SDK1: variants seen among roughly 807,000 people sequenced by gnomAD.
The protein encoded by SDK1 is sidekick cell adhesion molecule 1.
Under a neutral mutation model 245.5 loss-of-function variants are expected in SDK1, and 157 were observed. That is an observed-to-expected ratio of 0.64 (90% CI 0.56 to 0.73). The LOEUF is 0.73. SDK1 is among the 30% of genes least tolerant of loss of function. The probability of loss-of-function intolerance (pLI) is 0.00; values close to 1 mark genes in which losing one functional copy is unlikely to be tolerated. For missense variants in SDK1, 3,583 were observed against 3,002.3 expected (o/e 1.19, Z -4.52); for synonymous variants, 1,647 against 1,278.5 (o/e 1.29, Z -6.15).
At chr7:3,945,899 TAAAAAAAAAAAAAAA>T (rs754101246) in intron 5 of SDK1, among the ~76,000 whole-genome samples, 164 of 13,688 alleles carry the variant, frequency 0.012, 2 homozygotes, top group African/African-American at 0.023. Context: ...ACTCTGTCTG[TAAAAAAAAAAAAAAA>T]AAAAAAAAAA....
intron 1 of SDK1, among the ~76,000 whole-genome samples, chr7:3,576,183 T>C (rs1780284548): frequency 6.6e-6 from 1 of 152,162 alleles, no homozygotes; most frequent in Non-Finnish European, 1.5e-5. Context: ...TCTTAAGGGA[T>C]ATTATAAATA....
intron 4 of SDK1, among the ~76,000 whole-genome samples, chr7:3,790,870 G>T (rs1276452253): frequency 6.6e-6 from 1 of 152,090 alleles, no homozygotes; most frequent in Admixed American, 6.5e-5. Flanking sequence ...AGGGAGGTTG[G>T]GACAGGGGAA....
intron 17 of SDK1, among the ~76,000 whole-genome samples, chr7:4,022,088 C>T (rs1450287008): frequency 1.3e-5 from 2 of 152,216 alleles, no homozygotes; most frequent in African/African-American, 4.8e-5. Context: ...ATTGTCAAGG[C>T]AGCCTAGGGG....
intron 14 of SDK1, among the ~76,000 whole-genome samples, chr7:3,997,217 T>C (rs1784749350): frequency 6.6e-6 from 1 of 152,238 alleles, no homozygotes; most frequent in African/African-American, 2.4e-5. Flanking sequence ...GTGGCGGTTT[T>C]GTCCGAGTTC....
intron 1 of SDK1, among the ~76,000 whole-genome samples, chr7:3,547,080 G>GGT (rs1779247367): frequency 6.6e-6 from 1 of 151,950 alleles, no homozygotes. Context: ...TTTCTTTTAA[G>GGT]GTGTGTGACC....
At chr7:3,804,898 A>T (rs1473589407) in intron 4 of SDK1, among the ~76,000 whole-genome samples, 2 of 152,232 alleles carry the variant, frequency 1.3e-5, no homozygotes, top group Non-Finnish European at 2.9e-5. Flanking sequence ...GATTGGTGAG[A>T]TATTGGTCGA....
intron 1 of SDK1, among the ~76,000 whole-genome samples, chr7:3,470,079 G>C (rs909393968): frequency 1.3e-5 from 2 of 152,130 alleles, no homozygotes; most frequent in Non-Finnish European, 2.9e-5. Context: ...CTGTGGAGAA[G>C]ATACTAGAGA....
intron 1 of SDK1, among the ~76,000 whole-genome samples, chr7:3,575,628 C>G (rs535994113): frequency 8.8e-4 from 133 of 151,964 alleles, no homozygotes; most frequent in African/African-American, 3.1e-3. Context: ...AATGAAATTT[C>G]ATTAAGAACT....
intron 1 of SDK1, among the ~76,000 whole-genome samples, chr7:3,302,834 A>G (rs1779314072): frequency 6.6e-6 from 1 of 152,212 alleles, no homozygotes; most frequent in Non-Finnish European, 1.5e-5. Context: ...ACAGCTAACG[A>G]ACAATCATGG....
intron 4 of SDK1, among the ~76,000 whole-genome samples, chr7:3,732,979 T>C (rs1415771407): frequency 6.6e-6 from 1 of 152,134 alleles, no homozygotes; most frequent in East Asian, 1.9e-4. Context: ...ATCTTGGGAG[T>C]TACAGGCTTG....
intron 28 of SDK1, among the ~76,000 whole-genome samples, chr7:4,139,162 TCTC>T (rs1368851803): frequency 2.7e-5 from 4 of 145,826 alleles, no homozygotes; most frequent in Admixed American, 7.0e-5. Context: ...ATCAGCTTCT[TCTC>T]CGTGTCACTT....
intron 1 of SDK1, among the ~76,000 whole-genome samples, chr7:3,387,751 A>G (rs1781645689): frequency 6.6e-6 from 1 of 152,250 alleles, no homozygotes; most frequent in South Asian, 2.1e-4. Context: ...ACCACAATAA[A>G]AATGGAAAAA....
intron 35 of SDK1, among the ~76,000 whole-genome samples, chr7:4,199,965 G>A (rs889178049): frequency 5.3e-5 from 8 of 152,100 alleles, no homozygotes; most frequent in Non-Finnish European, 1.2e-4. Context: ...TGTGGTGGCG[G>A]GCACCTGTAA....
chr7:3,691,071 A>G (rs1014720287), intron 4 of SDK1, among the ~76,000 whole-genome samples: 8 of 152,210 alleles, frequency 5.3e-5, no homozygotes, highest in Non-Finnish European at 1.0e-4. Context: ...AGAGAAAAAT[A>G]CTCATTTCTC....
intron 1 of SDK1, among the ~76,000 whole-genome samples, chr7:3,571,245 T>C (rs1453710743): frequency 3.3e-5 from 5 of 152,014 alleles, no homozygotes; most frequent in African/African-American, 1.2e-4. Context: ...AAAATCTTGA[T>C]TTTGATGTTG....
intron 1 of SDK1, among the ~76,000 whole-genome samples, chr7:3,559,782 T>C (rs1779693716): frequency 6.7e-6 from 1 of 149,524 alleles, no homozygotes; most frequent in African/African-American, 2.5e-5. Flanking sequence ...AACACAAAAA[T>C]CTAAACGGAA....
intron 1 of SDK1, among the ~76,000 whole-genome samples, chr7:3,614,672 A>G (rs772958969): frequency 3.3e-5 from 5 of 152,264 alleles, no homozygotes; most frequent in South Asian, 4.1e-4. Flanking sequence ...TACCTACTGT[A>G]TGTATTTCAA....
chr7:3,798,568 C>T (rs1779025963), intron 4 of SDK1, among the ~76,000 whole-genome samples: 1 of 152,230 alleles, frequency 6.6e-6, no homozygotes. Context: ...AAACGTCCCT[C>T]GATTTGGACT....
chr7:3,730,264 G>A (rs577134800), intron 4 of SDK1, among the ~76,000 whole-genome samples: 22 of 152,270 alleles, frequency 1.4e-4, no homozygotes, highest in African/African-American at 5.1e-4. Flanking sequence ...TTAAATTTCT[G>A]CAAATGATGG....
Sources: allele counts gnomAD v4.1 joint callset (sites outside exome capture counted in the v4.1 genomes callset), GRCh38; gene constraint gnomAD v4.1.1; transcripts MANE v1.5; gene names NCBI Gene and HGNC (gene_info 2026-07-23, HGNC 2026-07-21).